Variants in SYN2 observed in about 807,000 individuals in gnomAD.
SYN2 encodes the protein synapsin-2.
In SYN2, 19 loss-of-function variants were observed where a neutral mutation model predicts 50.9. The ratio of observed to expected loss-of-function variants is 0.37; its 90% CI spans 0.26 to 0.55. The LOEUF is 0.55. Ranked by LOEUF, SYN2 falls within the 20% of genes least tolerant of loss-of-function variation. The probability of loss-of-function intolerance (pLI) is 0.81; values close to 1 mark genes in which losing one functional copy is unlikely to be tolerated. For synonymous variants in SYN2, 255 were observed against 224.9 expected (o/e 1.13, Z -1.20); for missense variants, 587 against 576.4 (o/e 1.02, Z -0.19).
chr3:12,189,098 A>C (rs1185271000), intron 12 of SYN2, among the ~76,000 whole-genome samples: 1 of 152,218 alleles, frequency 6.6e-6, no homozygotes, highest in African/African-American at 2.4e-5. Context: ...GACTGCTCAC[A>C]GTTCTGTAGA....
intron 1 of SYN2, among the ~76,000 whole-genome samples, chr3:12,028,043 G>T (rs1257884512): frequency 5.9e-5 from 3 of 50,548 alleles, no homozygotes; most frequent in East Asian, 1.1e-3. Flanking sequence ...CCCCACCACA[G>T]TCCCCAGAGT....
chr3:12,069,726 C>G (rs961831716), intron 1 of SYN2, among the ~76,000 whole-genome samples: 2 of 152,064 alleles, frequency 1.3e-5, no homozygotes, highest in African/African-American at 2.4e-5. Context: ...TCCTCATCAA[C>G]ATTTATTATT....
rs907297209 is a variant in SYN2 at position 12,101,274 on chromosome 3, A to G, written c.378-39377A>G. Among the ~76,000 whole-genome samples, 13 of 152,228 alleles carry G rather than the reference A, an allele frequency of 8.5e-5. 2 individuals are homozygous for G. In the South Asian group the frequency reaches 2.7e-3, roughly 31 times the overall value. On this transcript the variant is annotated intron_variant, in intron 1 of 12. Coordinates refer to ENST00000621198, the MANE Select transcript of SYN2 (RefSeq NM_133625.6). ...TCAATGTATAAATAAAATATGGTAT[A>G]TCTATGCAATGGAATATTAGTATTC...
chr3:12,185,856 G>A (rs769575021), intron 11 of SYN2: 37 of 801,448 alleles, frequency 4.6e-5, no homozygotes, highest in Non-Finnish European at 5.4e-5. Context: ...TAATGCAAAT[G>A]ATGCCAAACT....
chr3:12,153,525 A>T (rs1697364634), intron 5 of SYN2: 2 of 1,613,326 alleles, frequency 1.2e-6, no homozygotes, highest in Non-Finnish European at 1.7e-6. Context: ...CTAGGGCTGA[A>T]CGATGTCAAC....
At chr3:12,183,251 T>C in intron 10 of SYN2, 61 bp from the exon 11 acceptor site, 1 of 1,561,824 alleles carries the variant, frequency 6.4e-7, no homozygotes, top group Non-Finnish European at 8.6e-7. Context: ...GCCACGTGGT[T>C]TCTCTTTGGA....
intron 1 of SYN2, among the ~76,000 whole-genome samples, chr3:12,086,153 AC>A (rs1395203323): frequency 6.6e-6 from 1 of 152,148 alleles, no homozygotes; most frequent in Non-Finnish European, 1.5e-5. Flanking sequence ...AAAACCTAGA[AC>A]CTATTAAGAT....
At chr3:12,138,319 AG>A (rs1696944133) in intron 1 of SYN2, among the ~76,000 whole-genome samples, 1 of 152,242 alleles carries the variant, frequency 6.6e-6, no homozygotes, top group South Asian at 2.1e-4. Flanking sequence ...CTTAAGGAAA[AG>A]GCATTAGGAT....
intron 1 of SYN2, among the ~76,000 whole-genome samples, chr3:12,022,791 T>G (rs551646066): frequency 6.6e-6 from 1 of 151,540 alleles, no homozygotes; most frequent in Non-Finnish European, 1.5e-5. Flanking sequence ...CAAGCGATCC[T>G]CCTGCCTTAG....
intron 1 of SYN2, among the ~76,000 whole-genome samples, chr3:12,021,801 A>G (rs1351600148): frequency 6.6e-6 from 1 of 151,858 alleles, no homozygotes; most frequent in Non-Finnish European, 1.5e-5. Context: ...GCGGTGGCTC[A>G]TGCCTGTAAT....
At chr3:12,085,373 A>ATG (rs1559413798) in intron 1 of SYN2, among the ~76,000 whole-genome samples, 9 of 150,178 alleles carry the variant, frequency 6.0e-5, no homozygotes, top group Admixed American at 1.3e-4. Flanking sequence ...ACACACACAC[A>ATG]CACACACGCA....
At chr3:12,133,863 G>A (rs1226100834) in intron 1 of SYN2, among the ~76,000 whole-genome samples, 1 of 152,138 alleles carries the variant, frequency 6.6e-6, no homozygotes, top group Non-Finnish European at 1.5e-5. Flanking sequence ...CAATGGCATG[G>A]CACTTATATT....
At chr3:12,117,298 A>G (rs1041110934) in intron 1 of SYN2, among the ~76,000 whole-genome samples, 4 of 152,218 alleles carry the variant, frequency 2.6e-5, no homozygotes, top group African/African-American at 9.6e-5. Context: ...AGAGAAAACA[A>G]CAAGGCACTT....
intron 1 of SYN2, among the ~76,000 whole-genome samples, chr3:12,092,707 C>G (rs996787934): frequency 6.6e-6 from 1 of 152,142 alleles, no homozygotes; most frequent in Non-Finnish European, 1.5e-5. Context: ...TTTCATATGT[C>G]ATTGCATTGT....
chr3:12,048,127 C>T (rs1694781131), intron 1 of SYN2, among the ~76,000 whole-genome samples: 1 of 152,106 alleles, frequency 6.6e-6, no homozygotes, highest in African/African-American at 2.4e-5. Context: ...TAAGATGAGA[C>T]AATTCGTGTT....
At chr3:12,145,582 G>A (rs1016955734) in intron 3 of SYN2, 97 bp from the exon 4 acceptor site, 1 of 1,387,314 alleles carries the variant, frequency 7.2e-7, no homozygotes, top group Non-Finnish European at 9.8e-7. Context: ...TGGTTCCTAA[G>A]CCCTCTTCTT....
intron 5 of SYN2, chr3:12,154,486 G>T: frequency 6.2e-7 from 1 of 1,609,394 alleles, no homozygotes. Flanking sequence ...CAAGCATCAG[G>T]ATTCTTCTCC....
At chr3:12,017,934 G>A (rs1159321290) in intron 1 of SYN2, among the ~76,000 whole-genome samples, 1 of 152,220 alleles carries the variant, frequency 6.6e-6, no homozygotes, top group Non-Finnish European at 1.5e-5. Flanking sequence ...TGGGGAAGAT[G>A]TTTTTAAGCT....
chr3:12,110,289 G>T (rs1696283770), intron 1 of SYN2, among the ~76,000 whole-genome samples: 1 of 152,176 alleles, frequency 6.6e-6, no homozygotes, highest in Admixed American at 6.5e-5. Flanking sequence ...CAAAAGGTGG[G>T]TTCCCATGGT....
Sources: gnomAD v4.1 joint callset for allele counts (sites outside exome capture counted in the v4.1 genomes callset) on GRCh38, gnomAD v4.1.1 for gene constraint, MANE v1.5 for transcripts, NCBI Gene and HGNC (gene_info 2026-07-23, HGNC 2026-07-21) for gene names.